The following FUCA1 variants were observed in gnomAD, a reference collection of about 807,000 sequenced individuals.
FUCA1 encodes alpha-L-fucosidase 1, also known as tissue alpha-L-fucosidase.
In FUCA1, 52 loss-of-function variants were observed where a neutral mutation model predicts 56.8. The observed-to-expected ratio is 0.92, with a 90% CI of 0.73 to 1.15. FUCA1 has a LOEUF of 1.15. FUCA1 is among the 50% of genes most tolerant of loss of function. The probability of loss-of-function intolerance (pLI) is 0.00; values close to 1 mark genes in which losing one functional copy is unlikely to be tolerated. For synonymous variants in FUCA1, 230 were observed against 226.6 expected (o/e 1.02, Z -0.14); for missense variants, 568 against 592.6 (o/e 0.96, Z 0.43).
intron 3 of FUCA1, among the ~76,000 whole-genome samples, chr1:23,860,355 G>A (rs1639480329): frequency 6.6e-6 from 1 of 151,998 alleles, no homozygotes; most frequent in Non-Finnish European, 1.5e-5. Flanking sequence ...AGGCCGAGAT[G>A]GGCGGATCAC....
intron 5 of FUCA1, among the ~76,000 whole-genome samples, chr1:23,853,407 C>T (rs550513208): frequency 1.6e-4 from 23 of 145,346 alleles, no homozygotes; most frequent in African/African-American, 5.5e-4. Context: ...GTCAGCCCCC[C>T]GCCTGGCCAG....
intron 3 of FUCA1, 96 bp from the exon 4 acceptor site, chr1:23,859,999 A>C (rs1236457361): frequency 2.6e-6 from 2 of 775,430 alleles, no homozygotes; most frequent in East Asian, 5.2e-5. Flanking sequence ...GGGTTTCGCT[A>C]TGTTGCCTAA....
intron 2 of FUCA1, 121 bp downstream of exon 2, chr1:23,865,370 A>G (rs1639600794): frequency 1.5e-6 from 2 of 1,322,582 alleles, no homozygotes; most frequent in South Asian, 1.2e-5. Context: ...GTAGAAGGCC[A>G]AAAGCCCTTC....
At chr1:23,854,616 G>C in intron 4 of FUCA1, 56 bp from the exon 5 acceptor site, 1 of 1,355,222 alleles carries the variant, frequency 7.4e-7, no homozygotes, top group South Asian at 1.2e-5. Context: ...ACTTCTTTAT[G>C]TAATACACTT....
At chr1:23,863,578 G>A (rs1255187534) in intron 2 of FUCA1, among the ~76,000 whole-genome samples, 6 of 152,298 alleles carry the variant, frequency 3.9e-5, no homozygotes, top group South Asian at 4.1e-4. Flanking sequence ...CCTGCTGGGC[G>A]CAGTGGCTCA....
Position 23,868,283 on chromosome 1 carries a change from G to GCATCGCTACCCCT in FUCA1, c.3_4insAGGGGTAGCGATG (p.Ala3GlyfsTer169). ...GGCCGCGACCTCATCCCCGGAGCCC[G>GCATCGCTACCCCT]CATCGCTACCCCTCAGCGACGCGGC... On this transcript the variant is annotated frameshift_variant, in exon 1 of 8. Transcript: ENST00000374479. LOFTEE classifies it high-confidence loss of function. 1 of 1,547,490 alleles carries GCATCGCTACCCCT rather than the reference G, an allele frequency of 6.5e-7. No individual in the cohort carries two copies. Among genetic ancestry groups the GCATCGCTACCCCT allele is most frequent in the Non-Finnish European group, 8.7e-7 (1 of 1,149,450 alleles).
At chr1:23,853,711 C>T (rs1161474405) in intron 5 of FUCA1, among the ~76,000 whole-genome samples, 2 of 150,954 alleles carry the variant, frequency 1.3e-5, no homozygotes, top group Non-Finnish European at 3.0e-5. Context: ...TCATTTTGTT[C>T]TGTACTAAGA....
chr1:23,848,799 A>G lies in FUCA1; in HGVS notation c.1010T>C (p.Leu337Pro). ...TCCATCTTTAGTTGGTCCAATGTTC[A>G]GAAGATAGTTGCCTCCCAAACTTAC... The part of the protein sequence containing the change: ...QTVSLGGNYL[L>P]NIGPTKDGLI... The change falls in exon 6 of 8, where the codon CTG (leucine) becomes CCG (proline). Residue 337 changes from leucine to proline, a missense_variant. Coordinates refer to ENST00000374479, the MANE Select transcript of FUCA1 (RefSeq NM_000147.5). The G allele has an allele frequency of 6.2e-7, 1 of 1,614,216 alleles. No homozygotes were observed. The highest frequency in any genetic ancestry group is 2.2e-5 in the East Asian group (1 of 44,882).
intron 4 of FUCA1, among the ~76,000 whole-genome samples, chr1:23,858,091 G>A (rs1469508574): frequency 6.6e-6 from 1 of 151,400 alleles, no homozygotes; most frequent in Non-Finnish European, 1.5e-5. Flanking sequence ...TTGAGAAGGA[G>A]TCTCACTCTG....
At chr1:23,862,029 T>C (rs1639520287) in intron 3 of FUCA1, among the ~76,000 whole-genome samples, 1 of 152,246 alleles carries the variant, frequency 6.6e-6, no homozygotes, top group African/African-American at 2.4e-5. Flanking sequence ...AAGTAGTTTG[T>C]TCAAGGCAAC....
chr1:23,853,134 T>C, intron 5 of FUCA1, among the ~76,000 whole-genome samples: 1 of 140,882 alleles, frequency 7.1e-6, no homozygotes, highest in Non-Finnish European at 1.5e-5. Flanking sequence ...CGCCGCCCCG[T>C]CTGGGATGTG....
At chr1:23,863,098 TAA>T (rs763276305) in intron 3 of FUCA1, 34 bp downstream of exon 3, 9 of 1,612,428 alleles carry the variant, frequency 5.6e-6, no homozygotes, top group East Asian at 2.2e-5. Context: ...ATTTCATTGA[TAA>T]AAGTCATAGG....
chr1:23,867,844 TC>T lies in FUCA1; in HGVS notation c.389+53del, dbSNP rs1639656031. 6.6e-7 allele frequency: 1 copy of T among 1,513,304 alleles called. No individual in the cohort carries two copies. Among genetic ancestry groups the T allele is most frequent in the Non-Finnish European group, 8.8e-7 (1 of 1,135,124 alleles). The allele number at this position is 1,513,304 out of a possible 1,614,324, so 93.7% of individuals were successfully genotyped here. ...CCCCAGCTGGCCGCCCAGCCCCACC[TC>T]CTGTTTGCCGCCCGAGCCGGGAAGG... On this transcript the variant is annotated intron_variant, in intron 1 of 7. Coordinates refer to ENST00000374479, the MANE Select transcript of FUCA1 (RefSeq NM_000147.5). The surrounding 1 kb of genome is among the most constrained non-coding windows in gnomAD (Gnocchi z 4.9).
chr1:23,848,572 C>T, intron 6 of FUCA1, 77 bp downstream of exon 6: 1 of 1,403,706 alleles, frequency 7.1e-7, no homozygotes, highest in South Asian at 1.2e-5. Flanking sequence ...TGGCTTGTGA[C>T]ATTGTGGACC....
intron 5 of FUCA1, among the ~76,000 whole-genome samples, chr1:23,852,362 C>T (rs893119401): frequency 6.6e-6 from 1 of 151,960 alleles, no homozygotes; most frequent in Non-Finnish European, 1.5e-5. Flanking sequence ...TTTGAGGTTA[C>T]AGTGAGGTAT....
At chr1:23,859,685 A>G (rs997718195) in intron 4 of FUCA1, 113 bp downstream of exon 4, 1 of 710,306 alleles carries the variant, frequency 1.4e-6, no homozygotes, top group African/African-American at 1.8e-5. Context: ...TACTGCCCCC[A>G]TGTTGATATT....
chr1:23,859,548 A>C (rs1224495998), intron 4 of FUCA1, among the ~76,000 whole-genome samples: 1 of 146,700 alleles, frequency 6.8e-6, no homozygotes, highest in Non-Finnish European at 1.5e-5. Flanking sequence ...CCTGGGTGAC[A>C]GAGTGAGCCT....
chr1:23,854,669 G>A lies in FUCA1; in HGVS notation c.769-109C>T, dbSNP rs575458142. 80 of 938,360 alleles carry A rather than the reference G, an allele frequency of 8.5e-5. No homozygotes were observed. The African/African-American group carries it at 1.2e-3, about 14-fold the overall frequency. The allele number at this position is 938,360 out of a possible 1,614,324, so 58.1% of individuals were successfully genotyped here. A position where few individuals can be genotyped will look rare whatever the true frequency, so the allele number is the denominator to read the frequency against. On this transcript the variant is annotated intron_variant, in intron 4 of 7. Coordinates refer to ENST00000374479, the MANE Select transcript of FUCA1 (RefSeq NM_000147.5). ...GAAGCAAGAAACTTAGTCTAGAGCAGTGGCTGTCAACTGGGGGCAATTTTG... is the reference window on the plus strand; with the variant it reads ...GAAGCAAGAAACTTAGTCTAGAGCAATGGCTGTCAACTGGGGGCAATTTTG...
intron 5 of FUCA1, among the ~76,000 whole-genome samples, chr1:23,850,489 A>C (rs973802509): frequency 3.3e-5 from 5 of 151,708 alleles, no homozygotes; most frequent in African/African-American, 9.7e-5. Context: ...TTATTTAAAA[A>C]AAATTTTTGT....
Sources: gnomAD v4.1 joint callset for allele counts (sites outside exome capture counted in the v4.1 genomes callset) on GRCh38, gnomAD v4.1.1 for gene constraint, Gnocchi (gnomAD v3.1) non-coding constraint, MANE v1.5 for transcripts, NCBI Gene and HGNC (gene_info 2026-07-23, HGNC 2026-07-21) for gene names.